OXCT1: variants seen among roughly 807,000 people sequenced by gnomAD.
The protein encoded by OXCT1 is succinyl-CoA:3-ketoacid coenzyme A transferase 1, mitochondrial.
Under a neutral mutation model 69.6 loss-of-function variants are expected in OXCT1, and 27 were observed. That is an observed-to-expected ratio of 0.39 (90% CI 0.29 to 0.54). OXCT1 has a LOEUF of 0.54. OXCT1 is among the 20% of genes least tolerant of loss of function. The pLI is 0.72. For synonymous variants in OXCT1, 202 were observed against 217.8 expected (o/e 0.93, Z 0.64); for missense variants, 437 against 650.2 (o/e 0.67, Z 3.57).
chr5:41,860,417 T>C (rs565183094), intron 3 of OXCT1, among the ~76,000 whole-genome samples: 15 of 152,274 alleles, frequency 9.9e-5, no homozygotes, highest in South Asian at 2.1e-4. Context: ...GAAAAGTTTC[T>C]ATAATTGGAT....
chr5:41,784,319 G>C lies in OXCT1; in HGVS notation c.1248+9684C>G, dbSNP rs140219430. Among the ~76,000 whole-genome samples the C allele has an allele frequency of 6.2e-3, 940 of 152,248 alleles. 10 individuals are homozygous for C. Among genetic ancestry groups the C allele is most frequent in the African/African-American group, 0.022 (896 of 41,566 alleles). On this transcript the variant is annotated intron_variant, in intron 13 of 16. Transcript: ENST00000196371. Reference sequence around the variant, plus strand: ...TAATTATAAGTGACTGGGCAGTGGAGACTTTAGAATTTGGGTGAAAGCTTA... The same window carrying C: ...TAATTATAAGTGACTGGGCAGTGGACACTTTAGAATTTGGGTGAAAGCTTA...
chr5:41,855,416 C>T (rs1172119666), intron 3 of OXCT1, among the ~76,000 whole-genome samples: 1 of 152,134 alleles, frequency 6.6e-6, no homozygotes, highest in Non-Finnish European at 1.5e-5. Context: ...CTATATTACT[C>T]CATACTATGC....
chr5:41,863,933 A>G (rs1247766290), intron 1 of OXCT1, among the ~76,000 whole-genome samples: 2 of 152,192 alleles, frequency 1.3e-5, no homozygotes, highest in Non-Finnish European at 2.9e-5. Context: ...AATGCCTCCT[A>G]GAGGGACAAA....
intron 4 of OXCT1, 138 bp downstream of exon 4, chr5:41,853,281 G>A: frequency 1.4e-6 from 1 of 700,720 alleles, no homozygotes; most frequent in Non-Finnish European, 2.5e-6. Flanking sequence ...CAACAGGTGT[G>A]AGTTAGAAAC....
At chr5:41,857,472 G>T (rs1749485071) in intron 3 of OXCT1, among the ~76,000 whole-genome samples, 1 of 152,224 alleles carries the variant, frequency 6.6e-6, no homozygotes, top group South Asian at 2.1e-4. Context: ...TAAATTGAGG[G>T]GTCCCCTTGC....
At chr5:41,797,757 T>A (rs1047166280) in intron 11 of OXCT1, among the ~76,000 whole-genome samples, 1 of 152,198 alleles carries the variant, frequency 6.6e-6, no homozygotes. Flanking sequence ...TTCATCAGAA[T>A]CACATGGAAG....
chr5:41,848,628 C>T (rs1358945296), intron 5 of OXCT1, among the ~76,000 whole-genome samples: 5 of 150,826 alleles, frequency 3.3e-5, no homozygotes, highest in South Asian at 2.1e-4. Flanking sequence ...GAAATAACAC[C>T]GCATATCTAC....
chr5:41,807,320 A>T lies in OXCT1; in HGVS notation c.840+11T>A. The T allele has an allele frequency of 7.5e-7, 1 of 1,340,274 alleles. No homozygotes were observed. Among genetic ancestry groups the T allele is most frequent in the Non-Finnish European group, 1.1e-6 (1 of 930,734 alleles). 83.0% of individuals were successfully genotyped at this position (1,340,274 alleles called of 1,614,324 possible). A position where few individuals can be genotyped will look rare whatever the true frequency, so the allele number is the denominator to read the frequency against. Reference sequence around the variant, plus strand: ...ATCCATGAATACTGACAAAGCAGCTAAGTCAATTACCTCAATTCTTTTCTC... The same window carrying T: ...ATCCATGAATACTGACAAAGCAGCTTAGTCAATTACCTCAATTCTTTTCTC... On this transcript the variant is annotated intron_variant, in intron 8 of 16. Transcript: ENST00000196371.
chr5:41,850,997 G>GCTAGTCAGTAGTTAAACTACTGA (rs1372975781), intron 4 of OXCT1, among the ~76,000 whole-genome samples: 1 of 152,118 alleles, frequency 6.6e-6, no homozygotes, highest in South Asian at 2.1e-4. Flanking sequence ...AAACTGACTG[G>GCTAGTCAGTAGTTAAACTACTGA]CTAGTCAGTA....
At chr5:41,790,487 G>C (rs981360514) in intron 13 of OXCT1, among the ~76,000 whole-genome samples, 1 of 152,152 alleles carries the variant, frequency 6.6e-6, no homozygotes, top group Non-Finnish European at 1.5e-5. Flanking sequence ...GACCAACACT[G>C]CATACTAAGA....
At chr5:41,853,315 A>G (rs1170394785) in intron 4 of OXCT1, 104 bp downstream of exon 4, 17 of 996,000 alleles carry the variant, frequency 1.7e-5, no homozygotes. Flanking sequence ...TTGGCAAAGT[A>G]CTATTCCTTC....
intron 13 of OXCT1, among the ~76,000 whole-genome samples, chr5:41,792,878 G>C (rs955588433): frequency 5.9e-5 from 9 of 152,144 alleles, no homozygotes; most frequent in African/African-American, 2.2e-4. Flanking sequence ...GAATGACCCA[G>C]TGTCCAGGCT....
chr5:41,791,916 G>A (rs1473558400), intron 13 of OXCT1, among the ~76,000 whole-genome samples: 1 of 152,116 alleles, frequency 6.6e-6, no homozygotes, highest in Non-Finnish European at 1.5e-5. Context: ...CCATTCTCCT[G>A]CCTCAGCCTC....
chr5:41,785,620 G>A (rs142619319), intron 13 of OXCT1, among the ~76,000 whole-genome samples: 1 of 152,162 alleles, frequency 6.6e-6, no homozygotes, highest in Non-Finnish European at 1.5e-5. Flanking sequence ...CCAGATGTTA[G>A]ATGAGATCTT....
intron 15 of OXCT1, among the ~76,000 whole-genome samples, chr5:41,748,066 A>G (rs1024307712): frequency 6.6e-6 from 1 of 152,130 alleles, no homozygotes; most frequent in Non-Finnish European, 1.5e-5. Context: ...AAAAGTTTTT[A>G]AAATGATAGT....
chr5:41,867,853 T>G (rs1195525986), intron 1 of OXCT1, among the ~76,000 whole-genome samples: 1 of 152,220 alleles, frequency 6.6e-6, no homozygotes, highest in Non-Finnish European at 1.5e-5. Flanking sequence ...TAATTTTCTA[T>G]AGTGAAAATA....
Position 41,794,767 on chromosome 5 carries a change from C to CA in OXCT1, c.1100-19dup. 6.2e-7 allele frequency: 1 copy of CA among 1,605,194 alleles called. No homozygotes were observed. The highest frequency in any genetic ancestry group is 8.5e-7 in the Non-Finnish European group (1 of 1,173,620). ...TTCCTTGCCTAAACACACACACACA[C>CA]AAAAGAAAGAAAAGGCTATTAGATT... On this transcript the variant is annotated intron_variant, in intron 11 of 16. Coordinates refer to ENST00000196371, the MANE Select transcript of OXCT1 (RefSeq NM_000436.4).
In OXCT1 at chr5:41,795,266, C is replaced by T. The variant is rs1171400220; in HGVS notation, c.1100-517G>A. 4.6e-5 allele frequency among the ~76,000 whole-genome samples: 7 copies of T among 152,252 alleles called. No individual in the cohort carries two copies. The South Asian group carries it at 6.2e-4, about 14-fold the overall frequency. On this transcript the variant is annotated intron_variant, in intron 11 of 16. Transcript: ENST00000196371. Reference sequence around the variant, plus strand: ...GCTTAGATGGTAATGCTCGTTTGCTCGCCTGCTGCTCACCTCCTGCTGTGC... The same window carrying T: ...GCTTAGATGGTAATGCTCGTTTGCTTGCCTGCTGCTCACCTCCTGCTGTGC...
chr5:41,767,573 C>T (rs1318260708), intron 13 of OXCT1, among the ~76,000 whole-genome samples: 1 of 151,232 alleles, frequency 6.6e-6, no homozygotes, highest in African/African-American at 2.4e-5. Flanking sequence ...CTGCTAATTC[C>T]CTGGAGAGAG....
Sources: allele counts gnomAD v4.1 joint callset (sites outside exome capture counted in the v4.1 genomes callset), GRCh38; gene constraint gnomAD v4.1.1; transcripts MANE v1.5; gene names NCBI Gene and HGNC (gene_info 2026-07-23, HGNC 2026-07-21).